The following RAB38 variants were observed in gnomAD, a reference collection of about 807,000 sequenced individuals.
The protein encoded by RAB38 is RAB38, member RAS oncogene family.
Under a neutral mutation model 18.4 loss-of-function variants are expected in RAB38, and 15 were observed. That is an observed-to-expected ratio of 0.82 (90% CI 0.55 to 1.26). The LOEUF is 1.26. RAB38 is among the 50% of genes most tolerant of loss of function. The pLI is 0.00. For synonymous variants in RAB38, 101 were observed against 104.4 expected, an observed-to-expected ratio of 0.97 and a Z score of 0.20; for missense variants, 294 against 267.4, an observed-to-expected ratio of 1.10 and a Z score of -0.69.
chr11:87,858,944 A>G, the RAB38 span, among the ~76,000 whole-genome samples: 4 of 146,112 alleles, frequency 2.7e-5, no homozygotes, highest in Admixed American at 2.1e-4. Context: ...AAAAATAAAA[A>G]GTAAAAAAAA....
chr11:88,141,565 T>C (rs971614602), intron 2 of RAB38, among the ~76,000 whole-genome samples: 1 of 152,204 alleles, frequency 6.6e-6, no homozygotes, highest in African/African-American at 2.4e-5. Context: ...TCAAATATGG[T>C]CATCCTTTGA....
chr11:88,052,935 T>TATATATTTCATATATATATATATATATC, the RAB38 span, among the ~76,000 whole-genome samples: 15 of 85,790 alleles, frequency 1.7e-4, no homozygotes, highest in Non-Finnish European at 2.5e-4. Flanking sequence ...TATATATATA[T>TATATATTTCATATATATATATATATATC]ATATATATAA....
chr11:87,805,734 CACATACATATATACACAT>C, the RAB38 span, among the ~76,000 whole-genome samples: 1 of 151,816 alleles, frequency 6.6e-6, no homozygotes, highest in African/African-American at 2.4e-5. Flanking sequence ...TATATACACA[CACATACATATATACACAT>C]ACATATATGT....
intron 2 of RAB38, among the ~76,000 whole-genome samples, chr11:88,144,598 T>C (rs1359795259): frequency 6.6e-6 from 1 of 152,212 alleles, no homozygotes; most frequent in Non-Finnish European, 1.5e-5. Context: ...AGCAGAAGGA[T>C]ACACATTAAC....
chr11:87,973,169 C>T, the RAB38 span, among the ~76,000 whole-genome samples: 1 of 151,818 alleles, frequency 6.6e-6, no homozygotes, highest in Non-Finnish European at 1.5e-5. Flanking sequence ...TGGACTAATA[C>T]ACAAGGAAAG....
At chr11:88,022,611 C>CAAAAAAAAAAAAAA in the RAB38 span, among the ~76,000 whole-genome samples, 9 of 52,098 alleles carry the variant, frequency 1.7e-4, 1 homozygote, top group African/African-American at 3.8e-4. Context: ...AAAGACCCCA[C>CAAAAAAAAAAAAAA]AAAAAAAAAA....
chr11:88,026,291 C>A, the RAB38 span, among the ~76,000 whole-genome samples: 1 of 151,786 alleles, frequency 6.6e-6, no homozygotes, highest in Non-Finnish European at 1.5e-5. Context: ...CAGCCAGGTG[C>A]GCTGGCTCAC....
At chr11:87,831,728 AT>A in the RAB38 span, among the ~76,000 whole-genome samples, 4 of 152,188 alleles carry the variant, frequency 2.6e-5, no homozygotes, top group Non-Finnish European at 5.9e-5. Context: ...AGTGATGGTA[AT>A]AATGGTGACA....
chr11:87,932,295 T>TAA, the RAB38 span, among the ~76,000 whole-genome samples: 6 of 151,764 alleles, frequency 4.0e-5, no homozygotes, highest in East Asian at 1.2e-3. Context: ...GTAAAATTTT[T>TAA]AAAAAAAGAG....
intron 2 of RAB38, among the ~76,000 whole-genome samples, chr11:88,121,330 T>C (rs1942625948): frequency 6.6e-6 from 1 of 152,204 alleles, no homozygotes; most frequent in Non-Finnish European, 1.5e-5. Flanking sequence ...ATGGATAACT[T>C]ATTGTAAGCC....
chr11:88,156,592 C>T (rs1435729849), intron 1 of RAB38, among the ~76,000 whole-genome samples: 1 of 152,080 alleles, frequency 6.6e-6, no homozygotes, highest in Non-Finnish European at 1.5e-5. Flanking sequence ...GTCCCAGCTA[C>T]TTGGGAGGCT....
At chr11:88,017,070 C>G in the RAB38 span, among the ~76,000 whole-genome samples, 1 of 151,936 alleles carries the variant, frequency 6.6e-6, no homozygotes, top group Non-Finnish European at 1.5e-5. Context: ...CAAGGCAAAG[C>G]TTAACTTCGA....
the RAB38 span, among the ~76,000 whole-genome samples, chr11:87,830,274 G>A: frequency 4.6e-5 from 7 of 152,188 alleles, no homozygotes; most frequent in African/African-American, 1.2e-4. Flanking sequence ...GAGCTCAGGA[G>A]TTTGAGACCA....
chr11:88,077,018 G>GAAAAA, the RAB38 span, among the ~76,000 whole-genome samples: 1 of 109,888 alleles, frequency 9.1e-6, no homozygotes, highest in African/African-American at 3.0e-5. Flanking sequence ...GAAAAGAAAA[G>GAAAAA]AAAAGAAAAG....
the RAB38 span, among the ~76,000 whole-genome samples, chr11:87,893,390 A>ATATATATTTTT: frequency 0.02 from 1,905 of 93,880 alleles, 31 homozygotes; most frequent in Non-Finnish European, 0.031. Context: ...ATATATATAT[A>ATATATATTTTT]TTTTTTTTTT....
the RAB38 span, among the ~76,000 whole-genome samples, chr11:87,892,722 G>C: frequency 1.3e-5 from 2 of 151,692 alleles, no homozygotes; most frequent in African/African-American, 2.4e-5. Context: ...TCTTTGGTTA[G>C]CTCAATTCTA....
chr11:87,860,032 C>T, the RAB38 span, among the ~76,000 whole-genome samples: 2 of 151,988 alleles, frequency 1.3e-5, no homozygotes, highest in Admixed American at 6.6e-5. Context: ...GCTCATGCTC[C>T]TCCCTAACTG....
intron 1 of RAB38, 92 bp downstream of exon 1, chr11:88,175,091 T>C (rs900347136): frequency 1.1e-5 from 15 of 1,378,656 alleles, no homozygotes; most frequent in South Asian, 7.4e-5. Flanking sequence ...CCTAGTGATT[T>C]TAATCTCACG....
At chr11:87,893,390 A>ATATATATATATATATATTTT in the RAB38 span, among the ~76,000 whole-genome samples, 1,476 of 93,840 alleles carry the variant, frequency 0.016, 30 homozygotes, top group Non-Finnish European at 0.018. Context: ...ATATATATAT[A>ATATATATATATATATATTTT]TTTTTTTTTT....
Sources: allele counts gnomAD v4.1 joint callset (sites outside exome capture counted in the v4.1 genomes callset), GRCh38; gene constraint gnomAD v4.1.1; transcripts MANE v1.5; gene names NCBI Gene and HGNC (gene_info 2026-07-23, HGNC 2026-07-21).